Variants in CREB3L2 observed in about 807,000 individuals in gnomAD.
The protein encoded by CREB3L2 is cyclic AMP-responsive element-binding protein 3-like protein 2.
A neutral mutation model predicts 57.2 loss-of-function variants in CREB3L2; 23 were observed. The ratio of observed to expected loss-of-function variants is 0.40; its 90% CI spans 0.29 to 0.57. The LOEUF (loss-of-function observed/expected upper bound fraction) is 0.57, where lower values mean the gene tolerates loss of function less well. Ranked by LOEUF, CREB3L2 falls within the 20% of genes least tolerant of loss-of-function variation. The probability of loss-of-function intolerance (pLI) is 0.42; values close to 1 mark genes in which losing one functional copy is unlikely to be tolerated. For missense variants in CREB3L2, 628 were observed against 634.7 expected (o/e 0.99, Z 0.11); for synonymous variants, 268 against 265.1 (o/e 1.01, Z -0.11).
At position 137,876,681 on chromosome 7, in the gene CREB3L2, G is replaced by A. The variant is rs1411600666; in HGVS notation, c.*3795C>T. The A allele has an allele frequency of 4.3e-6, 1 of 232,420 alleles. No homozygotes were observed. The highest frequency in any genetic ancestry group is 6.1e-5 in the East Asian group (1 of 16,496). 14.4% of individuals were successfully genotyped at this position (232,420 alleles called of 1,614,324 possible). On this transcript the variant is annotated 3_prime_UTR_variant, in exon 12 of 12. Coordinates refer to ENST00000330387, the MANE Select transcript of CREB3L2 (RefSeq NM_194071.4). ...TCACCTGAAGGTGGCCAAATAAAAT[G>A]ACTCTCAAGAGGGCACTACCTGCCC... is the stretch of plus-strand genomic sequence containing the variant.
intron 4 of CREB3L2, chr7:137,912,762 G>A: frequency 1.5e-6 from 2 of 1,307,164 alleles, no homozygotes; most frequent in African/African-American, 1.5e-5. Context: ...TAAAAGTATG[G>A]TAACACTTAG....
chr7:137,977,322 C>G (rs887906956), intron 1 of CREB3L2, among the ~76,000 whole-genome samples: 9 of 152,212 alleles, frequency 5.9e-5, no homozygotes, highest in African/African-American at 1.9e-4. Flanking sequence ...CGGTAAGCAG[C>G]ATCTCCACGT....
At chr7:137,988,260 CG>C (rs1801824025) in intron 1 of CREB3L2, among the ~76,000 whole-genome samples, 1 of 152,238 alleles carries the variant, frequency 6.6e-6, no homozygotes, top group Non-Finnish European at 1.5e-5. Context: ...AATCCAGCCA[CG>C]GCACGTGGGA....
At chr7:137,932,762 A>G (rs1232517648) in intron 1 of CREB3L2, among the ~76,000 whole-genome samples, 1 of 152,254 alleles carries the variant, frequency 6.6e-6, no homozygotes, top group East Asian at 1.9e-4. Context: ...GGAAGATTCA[A>G]GGATTTTGCA....
chr7:137,894,948 G>A (rs147978402), intron 8 of CREB3L2, among the ~76,000 whole-genome samples: 1 of 152,122 alleles, frequency 6.6e-6, no homozygotes. Flanking sequence ...ACCCCACCAG[G>A]CCTCAGTTTC....
intron 1 of CREB3L2, among the ~76,000 whole-genome samples, chr7:137,951,293 T>C (rs1801090521): frequency 1.3e-5 from 2 of 152,354 alleles, no homozygotes; most frequent in South Asian, 4.1e-4. Context: ...ATCCACGTGT[T>C]CGATAAGCTT....
At position 137,980,911 on chromosome 7, in the gene CREB3L2, T is replaced by C. The variant is rs993763270; in HGVS notation, c.102+20693A>G. Among the ~76,000 whole-genome samples the C allele has an allele frequency of 2.0e-5, 3 of 152,160 alleles. No individual in the cohort carries two copies. The East Asian group carries it at 5.8e-4, about 29-fold the overall frequency. ...TTTGTCGCCAGCTACTCCATACATT[T>C]AGAAAGTCAATTCTGCAATTTCCAA... On this transcript the variant is annotated intron_variant, in intron 1 of 11. Coordinates refer to ENST00000330387, the MANE Select transcript of CREB3L2 (RefSeq NM_194071.4). The surrounding 1 kb of genome is among the most constrained non-coding windows in gnomAD (Gnocchi z 4.3).
In CREB3L2 at chr7:137,930,591, G is replaced by A. The variant is rs564657833; in HGVS notation, c.103-2225C>T. ...AGCGAACAGCAGAGAGGAAGCTTCT[G>A]CAGGCTCAGTCCCTAAAGAGTTAGA... On this transcript the variant is annotated intron_variant, in intron 1 of 11. Transcript: ENST00000330387. Among the ~76,000 whole-genome samples the A allele has an allele frequency of 3.1e-4, 47 of 152,318 alleles. No homozygotes were observed. The Middle Eastern group carries it at 0.01, about 33-fold the overall frequency.
intron 1 of CREB3L2, among the ~76,000 whole-genome samples, chr7:137,952,049 C>T (rs1176437009): frequency 6.6e-6 from 1 of 152,030 alleles, no homozygotes; most frequent in African/African-American, 2.4e-5. Flanking sequence ...AAGAGTTTTT[C>T]TTTTCTTATT....
At chr7:137,936,406 C>T (rs1484622287) in intron 1 of CREB3L2, among the ~76,000 whole-genome samples, 1 of 152,162 alleles carries the variant, frequency 6.6e-6, no homozygotes, top group Non-Finnish European at 1.5e-5. Flanking sequence ...GGTCAGTCTG[C>T]CTCTTCTAGA....
intron 1 of CREB3L2, among the ~76,000 whole-genome samples, chr7:137,929,149 A>G (rs1585635505): frequency 6.6e-6 from 1 of 152,146 alleles, no homozygotes; most frequent in East Asian, 1.9e-4. Flanking sequence ...CTCTAATACC[A>G]TGAACTTTCC....
At chr7:137,910,589 G>A (rs1799985233) in intron 4 of CREB3L2, among the ~76,000 whole-genome samples, 1 of 151,990 alleles carries the variant, frequency 6.6e-6, no homozygotes, top group African/African-American at 2.4e-5. Flanking sequence ...ACAAAAAAAC[G>A]GGAAGCAGAC....
In CREB3L2 at chr7:137,875,714, T is replaced by C; in HGVS notation, c.*4762A>G. ...AGTCCAGAAATTGCTGCATTTCCCA[T>C]ATTACTTAGTTCTTTATTCATCCTG... On this transcript the variant is annotated 3_prime_UTR_variant, in exon 12 of 12. Transcript: ENST00000330387. 4.5e-6 allele frequency: 1 copy of C among 222,870 alleles called. No individual in the cohort carries two copies. Among genetic ancestry groups the C allele is most frequent in the Middle Eastern group, 1.4e-3 (1 of 718 alleles). 13.8% of individuals were successfully genotyped at this position (222,870 alleles called of 1,614,324 possible).
intron 1 of CREB3L2, among the ~76,000 whole-genome samples, chr7:137,958,992 C>T (rs1047802917): frequency 1.3e-5 from 2 of 152,182 alleles, no homozygotes; most frequent in African/African-American, 2.4e-5. Context: ...AAGAGACTAA[C>T]ATTAAAGCAG....
intron 1 of CREB3L2, chr7:137,957,668 G>T: frequency 1.4e-6 from 1 of 728,334 alleles, no homozygotes; most frequent in Non-Finnish European, 2.0e-6. Context: ...AGAAAGTGAA[G>T]AATATATTAA....
At chr7:137,972,862 A>G (rs552318325) in intron 1 of CREB3L2, among the ~76,000 whole-genome samples, 1 of 151,246 alleles carries the variant, frequency 6.6e-6, no homozygotes, top group East Asian at 1.9e-4. Flanking sequence ...CACCTGTAAC[A>G]TTCATGAATA....
At chr7:137,959,855 C>T (rs927333627) in intron 1 of CREB3L2, among the ~76,000 whole-genome samples, 2 of 152,186 alleles carry the variant, frequency 1.3e-5, no homozygotes, top group East Asian at 1.9e-4. Flanking sequence ...TACTGGTTCA[C>T]CAGTACAACA....
chr7:137,901,342 A>G lies in CREB3L2; in HGVS notation c.1043+12T>C, dbSNP rs770991560. ...TGGTAGCGCAATCAGCTCTCAGTCCAGTGACACTTACCTATTAGTGTTCTC... is the reference window on the plus strand; with the variant it reads ...TGGTAGCGCAATCAGCTCTCAGTCCGGTGACACTTACCTATTAGTGTTCTC... On this transcript the variant is annotated intron_variant, in intron 8 of 11. Transcript: ENST00000330387. The G allele has an allele frequency of 6.6e-7, 1 of 1,524,046 alleles. No individual in the cohort carries two copies. Among genetic ancestry groups the G allele is most frequent in the African/African-American group, 1.4e-5 (1 of 72,744 alleles). The allele number at this position is 1,524,046 out of a possible 1,614,324, so 94.4% of individuals were successfully genotyped here. A position where few individuals can be genotyped will look rare whatever the true frequency, so the allele number is the denominator to read the frequency against.
chr7:137,906,706 T>C (rs764482668), intron 5 of CREB3L2, among the ~76,000 whole-genome samples: 1 of 152,232 alleles, frequency 6.6e-6, no homozygotes, highest in Non-Finnish European at 1.5e-5. Context: ...CAGTGGGAGA[T>C]GACTGAATTA....
Sources: allele counts gnomAD v4.1 joint callset (sites outside exome capture counted in the v4.1 genomes callset), GRCh38; gene constraint gnomAD v4.1.1; non-coding constraint Gnocchi (gnomAD v3.1); transcripts MANE v1.5; gene names NCBI Gene and HGNC (gene_info 2026-07-23, HGNC 2026-07-21).